The following UFD1 variants were observed in gnomAD, a reference collection of about 807,000 sequenced individuals.
The protein encoded by UFD1 is ubiquitin recognition factor in ER-associated degradation protein 1.
UFD1 carries 13 observed loss-of-function variants against 45.9 expected under a neutral mutation model. The ratio of observed to expected loss-of-function variants is 0.28; its 90% CI spans 0.18 to 0.45. The LOEUF (loss-of-function observed/expected upper bound fraction) is 0.45, where lower values mean the gene tolerates loss of function less well. UFD1 is among the 20% of genes least tolerant of loss of function. The pLI is 1.00. For missense variants in UFD1, 218 were observed against 389.2 expected (o/e 0.56, Z 3.70); for synonymous variants, 128 against 139.2 (o/e 0.92, Z 0.56).
chr22:19,471,838 A>G (rs1189643261), intron 3 of UFD1, 30 bp from the exon 4 acceptor site: 3 of 1,605,258 alleles, frequency 1.9e-6, no homozygotes, highest in African/African-American at 1.3e-5. Flanking sequence ...TATGAGGCAC[A>G]GCTCCTATGA....
At position 19,456,612 on chromosome 22, in the gene UFD1, C is replaced by T. The variant is rs775637652; in HGVS notation, c.653G>A (p.Gly218Asp). ...GCGGAAGCCCAGCTCTCCAGCATAG[C>T]CACTGTGGTCGGCTTCACCTTCCTG... Reference protein sequence around the residue: ...ESTEGEADHSGYAGELGFRAF... With the variant: ...ESTEGEADHSDYAGELGFRAF... The change falls in exon 9 of 12, where the codon GGC becomes GAC. Residue 218 changes from glycine (G) to aspartate (D), a missense_variant. Transcript: ENST00000263202. The T allele has an allele frequency of 2.5e-6, 4 of 1,614,052 alleles. No individual in the cohort carries two copies. The highest frequency in any genetic ancestry group is 3.4e-6 in the Non-Finnish European group (4 of 1,180,044).
At chr22:19,454,214 C>T (rs983116898) in intron 11 of UFD1, 25 of 988,734 alleles carry the variant, frequency 2.5e-5, no homozygotes, top group Non-Finnish European at 2.9e-5. Context: ...CTGTTTCATA[C>T]ACCCTACACC....
intron 1 of UFD1, among the ~76,000 whole-genome samples, chr22:19,478,565 AGCAGGTATTAGCTTCCATCG>A (rs879890449): frequency 0.085 from 12,973 of 152,262 alleles, 1,833 homozygotes; most frequent in African/African-American, 0.29. Flanking sequence ...GAAATGTACC[AGCAGGTATTAGCTTCCATCG>A]TTATCATTAC....
intron 4 of UFD1, chr22:19,469,770 A>T: frequency 2.2e-6 from 1 of 444,742 alleles, no homozygotes; most frequent in Non-Finnish European, 4.5e-6. Flanking sequence ...CCATGCCAGG[A>T]GCTGGAAGGC....
chr22:19,458,230 C>T (rs772686575), intron 6 of UFD1, 91 bp from the exon 7 acceptor site: 286 of 1,357,264 alleles, frequency 2.1e-4, no homozygotes, highest in Non-Finnish European at 2.2e-4. Context: ...CTGGCTCCTG[C>T]GAATGACACA....
chr22:19,455,622 C>A, intron 10 of UFD1, 58 bp downstream of exon 10: 1 of 1,564,584 alleles, frequency 6.4e-7, no homozygotes, highest in Non-Finnish European at 8.7e-7. Flanking sequence ...GCTGCCCGAC[C>A]CCAGCGGGCT....
chr22:19,471,030 C>G (rs923704955), intron 4 of UFD1, among the ~76,000 whole-genome samples: 3 of 152,214 alleles, frequency 2.0e-5, no homozygotes, highest in Non-Finnish European at 4.4e-5. Flanking sequence ...AAGAAGGAGC[C>G]AAGTGGGCCA....
rs916332407 is a variant in UFD1, at chr22:19,457,009, C to T, written c.565-91G>A. ...TTTAATTGAGACAACTGTAGATTCA[C>T]ATGCAGTTTTAAGAAATAATACAAA... is the stretch of plus-strand genomic sequence containing the variant. On this transcript the variant is annotated intron_variant, in intron 7 of 11. Coordinates refer to ENST00000263202, the MANE Select transcript of UFD1 (RefSeq NM_005659.7). The T allele has an allele frequency of 8.2e-6, 7 of 856,186 alleles. 1 individual carries two copies. In the African/African-American group the frequency reaches 8.5e-5, roughly 10 times the overall value. 53.0% of individuals were successfully genotyped at this position (856,186 alleles called of 1,614,324 possible).
intron 11 of UFD1, chr22:19,451,496 G>C: frequency 3.0e-6 from 3 of 985,398 alleles, no homozygotes; most frequent in Non-Finnish European, 3.6e-6. Context: ...AGCAGAAAGA[G>C]GGATTGTTTT....
intron 6 of UFD1, among the ~76,000 whole-genome samples, chr22:19,463,856 TAC>T (rs1375051449): frequency 6.6e-6 from 1 of 152,232 alleles, no homozygotes; most frequent in African/African-American, 2.4e-5. Context: ...CAATTTTACA[TAC>T]ACTCTTATAT....
intron 4 of UFD1, chr22:19,471,377 A>G: frequency 1.6e-6 from 1 of 627,262 alleles, no homozygotes; most frequent in Non-Finnish European, 3.0e-6. Context: ...CACCTAAAAA[A>G]TACTGTTGCT....
At chr22:19,467,752 A>C in intron 5 of UFD1, 121 bp downstream of exon 5, 1 of 1,498,002 alleles carries the variant, frequency 6.7e-7, no homozygotes, top group Non-Finnish European at 9.0e-7. Context: ...TCAAATCACA[A>C]CTTGAATCAC....
At chr22:19,456,680 C>A in intron 8 of UFD1, 46 bp from the exon 9 acceptor site, 1 of 1,614,098 alleles carries the variant, frequency 6.2e-7, no homozygotes, top group Non-Finnish European at 8.5e-7. Flanking sequence ...GCGGGGACAC[C>A]CAGCTTCCCT....
chr22:19,454,545 G>A, intron 11 of UFD1: 2 of 1,168,962 alleles, frequency 1.7e-6, no homozygotes, highest in South Asian at 3.2e-5. Context: ...CCCCTGCCAT[G>A]ATTGTGAGGC....
rs568591195 is a variant in UFD1, at chr22:19,478,825, C to A, written c.3+258G>T. The A allele has an allele frequency of 4.8e-4, 253 of 531,222 alleles. 6 individuals are homozygous for A. In the South Asian group the frequency reaches 6.1e-3, roughly 13 times the overall value. 32.9% of individuals were successfully genotyped at this position (531,222 alleles called of 1,614,324 possible). On this transcript the variant is annotated intron_variant, in intron 1 of 11. Transcript: ENST00000263202. ...GGGAAACCCGTGAATGGACACAAAC[C>A]TTCCTTTCTTTCGTCAAGGAGGGCA...
chr22:19,457,295 A>G (rs1601888683), intron 7 of UFD1, among the ~76,000 whole-genome samples: 1 of 152,162 alleles, frequency 6.6e-6, no homozygotes, highest in East Asian at 1.9e-4. Context: ...AACCATACCC[A>G]GCTGTCTCCC....
chr22:19,452,485 AT>A (rs1263969876), intron 11 of UFD1: 1 of 152,138 alleles, frequency 6.6e-6, no homozygotes, highest in African/African-American at 2.4e-5. Flanking sequence ...TTTTGAGTAT[AT>A]TGCTCCACTA....
intron 11 of UFD1, chr22:19,452,436 G>A (rs976093725): frequency 6.6e-6 from 1 of 152,142 alleles, no homozygotes; most frequent in Non-Finnish European, 1.5e-5. Flanking sequence ...CATAAGAGTT[G>A]GTACAGAATT....
At chr22:19,463,180 A>T (rs1667257520) in intron 6 of UFD1, among the ~76,000 whole-genome samples, 1 of 152,158 alleles carries the variant, frequency 6.6e-6, no homozygotes, top group South Asian at 2.1e-4. Flanking sequence ...CAATTCCTCC[A>T]TTCTTTCCTA....
Sources: gnomAD v4.1 joint callset for allele counts (sites outside exome capture counted in the v4.1 genomes callset) on GRCh38, gnomAD v4.1.1 for gene constraint, MANE v1.5 for transcripts, NCBI Gene and HGNC (gene_info 2026-07-23, HGNC 2026-07-21) for gene names.